Variants in DTWD2 observed in about 807,000 individuals in gnomAD.
DTWD2 encodes the protein tRNA-uridine aminocarboxypropyltransferase 2.
DTWD2 carries 39 observed loss-of-function variants against 31.8 expected under a neutral mutation model. That is an observed-to-expected ratio of 1.22 (90% CI 0.95 to 1.60). The LOEUF is 1.60. DTWD2 is among the 40% of genes most tolerant of loss of function. DTWD2 has a pLI of 0.00. For missense variants in DTWD2, 515 were observed against 381.5 expected (o/e 1.35, Z -2.92); for synonymous variants, 180 against 142.8 (o/e 1.26, Z -1.86).
At chr5:118,854,158 T>A (rs1003116795) in intron 4 of DTWD2, among the ~76,000 whole-genome samples, 1 of 152,212 alleles carries the variant, frequency 6.6e-6, no homozygotes, top group African/African-American at 2.4e-5. Flanking sequence ...TTTCACATTA[T>A]GAAAAATGGA....
chr5:118,858,478 T>G (rs1458434992), intron 4 of DTWD2, among the ~76,000 whole-genome samples: 2 of 152,202 alleles, frequency 1.3e-5, no homozygotes, highest in African/African-American at 4.8e-5. Flanking sequence ...TAGAATAGCA[T>G]GTGAGTTAGA....
chr5:118,858,071 A>C (rs1384417450), intron 4 of DTWD2, among the ~76,000 whole-genome samples: 3 of 152,036 alleles, frequency 2.0e-5, no homozygotes, highest in East Asian at 3.9e-4. Flanking sequence ...ACTGACCCCC[A>C]TGTGGGAGCA....
At chr5:118,953,549 G>A (rs536976073) in intron 1 of DTWD2, among the ~76,000 whole-genome samples, 1 of 152,140 alleles carries the variant, frequency 6.6e-6, no homozygotes, top group Non-Finnish European at 1.5e-5. Context: ...CAACTGACTG[G>A]TAGATTGCAT....
At chr5:118,928,813 G>C in intron 3 of DTWD2, 84 bp from the exon 4 acceptor site, 2 of 1,157,006 alleles carry the variant, frequency 1.7e-6, no homozygotes, top group Non-Finnish European at 1.2e-6. Context: ...CCTAATAAAA[G>C]TTTCCCTATA....
chr5:118,985,087 C>T (rs912287312), intron 1 of DTWD2, among the ~76,000 whole-genome samples: 1 of 152,016 alleles, frequency 6.6e-6, no homozygotes, highest in Non-Finnish European at 1.5e-5. Flanking sequence ...TTTGCCCTTC[C>T]TGGGGCAACC....
chr5:118,896,539 A>G, intron 4 of DTWD2, among the ~76,000 whole-genome samples: 1 of 152,318 alleles, frequency 6.6e-6, no homozygotes, highest in South Asian at 2.1e-4. Context: ...AAAACCAGAG[A>G]AGGTATAGAT....
intron 4 of DTWD2, among the ~76,000 whole-genome samples, chr5:118,910,444 T>C (rs999137062): frequency 3.9e-5 from 6 of 152,232 alleles, no homozygotes; most frequent in African/African-American, 1.4e-4. Context: ...CTCATCAGAA[T>C]GGCATTTACT....
intron 1 of DTWD2, among the ~76,000 whole-genome samples, chr5:118,975,393 C>A (rs917418607): frequency 2.6e-5 from 4 of 152,234 alleles, no homozygotes; most frequent in Non-Finnish European, 5.9e-5. Flanking sequence ...TTATGTTATT[C>A]TCTAAACTGG....
Position 118,988,538 on chromosome 5 carries a change from A to G in DTWD2, c.-27T>C. On this transcript the variant is annotated 5_prime_UTR_variant, in exon 1 of 6. An upstream start codon of the reference 5' UTR is lost. Transcript: ENST00000510708. Reference sequence around the variant, plus strand: ...GCGGACACTCCGGTCAGGCCGTGGCATTGAAGCCCGGCTGCCGCCGGGGGG... The same window carrying G: ...GCGGACACTCCGGTCAGGCCGTGGCGTTGAAGCCCGGCTGCCGCCGGGGGG... 1.3e-6 allele frequency: 2 copies of G among 1,487,474 alleles called. No homozygotes were observed. The highest frequency in any genetic ancestry group is 8.9e-7 in the Non-Finnish European group (1 of 1,121,780). The allele number at this position is 1,487,474 out of a possible 1,614,324, so 92.1% of individuals were successfully genotyped here. A position where few individuals can be genotyped will look rare whatever the true frequency, so the allele number is the denominator to read the frequency against.
At position 118,988,459 on chromosome 5, in the gene DTWD2, G is replaced by A. The variant is rs1172541652; in HGVS notation, c.53C>T (p.Ser18Phe). The A allele has an allele frequency of 4.4e-6, 7 of 1,606,060 alleles. No homozygotes were observed. The highest frequency in any genetic ancestry group is 4.1e-5 in the African/African-American group (3 of 73,798). Residue 18 changes from serine (S) to phenylalanine (F), a missense_variant, in exon 1 of 6, where the codon TCT (serine) becomes TTT (phenylalanine). Transcript: ENST00000510708. ...RTLQEPVARP[S>F]GASSSQTPND... ...CGGCGTCTGAGAGCTTGAGGCCCCA[G>A]AAGGCCGCGCAACGGGCTCCTGGAG...
chr5:118,925,159 C>A (rs935635903), intron 4 of DTWD2, among the ~76,000 whole-genome samples: 3 of 152,242 alleles, frequency 2.0e-5, no homozygotes, highest in African/African-American at 7.2e-5. Flanking sequence ...CACCCAACAA[C>A]AGAGCAGATA....
At chr5:118,963,553 T>C (rs1208873219) in intron 1 of DTWD2, among the ~76,000 whole-genome samples, 2 of 152,154 alleles carry the variant, frequency 1.3e-5, no homozygotes, top group East Asian at 3.9e-4. Flanking sequence ...ATTGAAGTTC[T>C]CCAGGAAAGG....
intron 4 of DTWD2, among the ~76,000 whole-genome samples, chr5:118,917,001 TTTCC>T (rs1419875980): frequency 1.3e-5 from 2 of 152,142 alleles, no homozygotes; most frequent in African/African-American, 2.4e-5. Flanking sequence ...GGAAATTGAG[TTTCC>T]TCCCTTCATC....
intron 1 of DTWD2, among the ~76,000 whole-genome samples, chr5:118,969,852 A>C (rs543075961): frequency 6.6e-6 from 1 of 152,314 alleles, no homozygotes; most frequent in South Asian, 2.1e-4. Context: ...TGACAGAAGG[A>C]GGCTTCAGAA....
intron 3 of DTWD2, 109 bp downstream of exon 3, chr5:118,939,087 T>C: frequency 9.6e-7 from 1 of 1,043,260 alleles, no homozygotes; most frequent in Non-Finnish European, 1.3e-6. Flanking sequence ...TTTTGACTAA[T>C]TTCCACTCTT....
rs114274514 is a variant in DTWD2, at chr5:118,928,744, T to A, written c.405-15A>T. On this transcript the variant is annotated splice_polypyrimidine_tract_variant and intron_variant, in intron 3 of 5. Coordinates refer to ENST00000510708, the MANE Select transcript of DTWD2 (RefSeq NM_173666.4). ...GTTCAGGATCTCTGAAAAAGTTTTT[T>A]AAAAATATATCTTTATTAGCTTGTG... 1.4e-3 allele frequency: 2,180 copies of A among 1,508,694 alleles called. 30 individuals carry two copies. The African/African-American group carries it at 0.026, about 18-fold the overall frequency. 93.5% of individuals were successfully genotyped at this position (1,508,694 alleles called of 1,614,324 possible). A position where few individuals can be genotyped will look rare whatever the true frequency, so the allele number is the denominator to read the frequency against.
chr5:118,940,898 G>A lies in DTWD2; in HGVS notation c.310-1608C>T, dbSNP rs146837877. 4.7e-3 allele frequency among the ~76,000 whole-genome samples: 712 copies of A among 152,182 alleles called. 4 individuals carry two copies. The highest frequency in any genetic ancestry group is 6.8e-3 in the Middle Eastern group (2 of 294). On this transcript the variant is annotated intron_variant, in intron 2 of 5. Transcript: ENST00000510708. ...CAATAAACAGTGTTTGCATCTTCAC[G>A]ACTAAATACACATTGTTCACAAAGG...
chr5:118,965,942 T>A (rs1460266196), intron 1 of DTWD2, among the ~76,000 whole-genome samples: 4 of 137,104 alleles, frequency 2.9e-5, no homozygotes, highest in African/African-American at 8.1e-5. Context: ...ATAAAAAAAA[T>A]AAATAAAAAT....
chr5:118,928,486 TA>T (rs1753853237), intron 4 of DTWD2, 50 bp downstream of exon 4: 1 of 1,272,464 alleles, frequency 7.9e-7, no homozygotes, highest in African/African-American at 1.5e-5. Flanking sequence ...ACATACACAA[TA>T]TACCTAATTA....
Sources: allele counts gnomAD v4.1 joint callset (sites outside exome capture counted in the v4.1 genomes callset), GRCh38; gene constraint gnomAD v4.1.1; transcripts MANE v1.5; gene names NCBI Gene and HGNC (gene_info 2026-07-23, HGNC 2026-07-21).